Variants in GRIN2B observed in about 807,000 individuals in gnomAD.
GRIN2B encodes glutamate ionotropic receptor NMDA type subunit 2B.
A neutral mutation model predicts 114.5 loss-of-function variants in GRIN2B; 5 were observed. The ratio of observed to expected loss-of-function variants is 0.04; its 90% confidence interval spans 0.02 to 0.09. GRIN2B has a LOEUF of 0.09. Ranked by LOEUF, GRIN2B falls within the 10% of genes least tolerant of loss-of-function variation. The probability of loss-of-function intolerance (pLI) is 1.00; values close to 1 mark genes in which losing one functional copy is unlikely to be tolerated. For synonymous variants in GRIN2B, 787 were observed against 745.1 expected (o/e 1.06, Z -0.92); for missense variants, 1,108 against 1,943.5 (o/e 0.57, Z 8.08).
chr12:13,897,133 G>A (rs956983005), intron 2 of GRIN2B, among the ~76,000 whole-genome samples: 1 of 152,004 alleles, frequency 6.6e-6, no homozygotes, highest in East Asian at 1.9e-4. Context: ...TACTCGCAAC[G>A]CATCGATAAA....
At position 13,677,827 on chromosome 12, in the gene GRIN2B, T is replaced by G. The variant is rs537233254; in HGVS notation, c.1011-1968A>C. 9.2e-5 allele frequency among the ~76,000 whole-genome samples: 14 copies of G among 152,270 alleles called. No homozygotes were observed. The East Asian group carries it at 2.7e-3, about 29-fold the overall frequency. On this transcript the variant is annotated intron_variant, in intron 4 of 13. Coordinates refer to ENST00000609686, the MANE Select transcript of GRIN2B (RefSeq NM_000834.5). ...TCTAATCCTTCTTCTACATGAGAGT[T>G]TCTCAAGTATTTGAAGACATTTATC...
chr12:13,669,338 C>T (rs1354401105), intron 5 of GRIN2B, among the ~76,000 whole-genome samples: 1 of 152,008 alleles, frequency 6.6e-6, no homozygotes, highest in Admixed American at 6.6e-5. Flanking sequence ...CACCTCATTG[C>T]CTTTTTTTTC....
At chr12:13,833,482 A>T (rs536449668) in intron 3 of GRIN2B, among the ~76,000 whole-genome samples, 1 of 152,276 alleles carries the variant, frequency 6.6e-6, no homozygotes, top group African/African-American at 2.4e-5. Flanking sequence ...GTTAACTGAG[A>T]ATGTGTTCTG....
chr12:13,606,424 A>C (rs1949248464), intron 10 of GRIN2B, among the ~76,000 whole-genome samples: 1 of 152,150 alleles, frequency 6.6e-6, no homozygotes. Context: ...GGGAATTCTC[A>C]TGGGAACTAA....
rs556215817 is a variant in GRIN2B at position 13,692,630 on chromosome 12, G to A, written c.1011-16771C>T. Among the ~76,000 whole-genome samples the A allele has an allele frequency of 8.4e-4, 128 of 151,996 alleles. 1 individual carries two copies. The highest frequency in any genetic ancestry group is 3.0e-3 in the African/African-American group (124 of 41,426). On this transcript the variant is annotated intron_variant, in intron 4 of 13. Transcript: ENST00000609686. ...GGTGTGTGTGAATGTGCCCTGTGAT[G>A]GGATGCCATCCTGTCCTAGGTCAGT...
Position 13,562,626 on chromosome 12 carries a change from C to G in GRIN2B, c.*157G>C, listed in dbSNP as rs201387951. ...ATGGTGCTGGTCACCAGGGTTGCCC[C>G]CAGTAGGAACCAGAACTCCAGGATC... On this transcript the variant is annotated 3_prime_UTR_variant, in exon 14 of 14. Transcript: ENST00000609686. 4.3e-6 allele frequency: 3 copies of G among 695,274 alleles called. No homozygotes were observed. The Admixed American group carries it at 6.7e-5, about 16-fold the overall frequency. The allele number at this position is 695,274 out of a possible 1,614,324, so 43.1% of individuals were successfully genotyped here. A position where few individuals can be genotyped will look rare whatever the true frequency, so the allele number is the denominator to read the frequency against.
Position 13,611,746 on chromosome 12 carries a change from T to C in GRIN2B, c.1759A>G (p.Arg587Gly). ...FEYFSPVGYN[R>G]CLADGREPGG... The stretch of plus-strand genomic sequence containing the variant: ...TTACCTCTGCCATCAGCGAGGCACC[T>C]GTTATAACCCACAGGGCTGAAGTAC... Residue 587 changes from arginine (R) to glycine (G), a missense_variant, in exon 9 of 14, where the codon AGG (arginine) becomes GGG (glycine). By Grantham distance (125) the Arg-to-Gly change is moderately radical. Transcript: ENST00000609686. 1 of 1,613,908 alleles carries C rather than the reference T, an allele frequency of 6.2e-7. No homozygotes were observed. The highest frequency in any genetic ancestry group is 8.5e-7 in the Non-Finnish European group (1 of 1,179,766).
chr12:13,848,863 G>A (rs973191297), intron 3 of GRIN2B, among the ~76,000 whole-genome samples: 5 of 152,114 alleles, frequency 3.3e-5, no homozygotes, highest in African/African-American at 1.2e-4. Flanking sequence ...CCCCCTCTCT[G>A]CTTTGCTGAG....
rs148185805 is a variant in GRIN2B at position 13,569,987 on chromosome 12, T to C, written c.2202A>G (p.Ala734=). The change falls in exon 12 of 14, where the codon GCA becomes GCG. Residue 734 remains alanine, a synonymous_variant. Transcript: ENST00000609686. ...CTCTGCCTGCCATATAGTTCAGCAC[T>C]GCTGCATCATAGATGAAGGCATCCA... ...GKLDAFIYDA[A]VLNYMAGRDE... is the part of the protein sequence containing the mutation. 326 of 1,613,380 alleles carry C rather than the reference T, an allele frequency of 2.0e-4. 1 individual carries two copies. The African/African-American group carries it at 3.8e-3, about 19-fold the overall frequency.
At chr12:13,718,565 G>A (rs550892736) in intron 4 of GRIN2B, among the ~76,000 whole-genome samples, 1 of 152,066 alleles carries the variant, frequency 6.6e-6, no homozygotes, top group Non-Finnish European at 1.5e-5. Context: ...TTATGGCGTT[G>A]GAAAGCTTCT....
intron 3 of GRIN2B, among the ~76,000 whole-genome samples, chr12:13,755,339 A>G (rs1443139023): frequency 6.6e-6 from 1 of 152,224 alleles, no homozygotes; most frequent in Admixed American, 6.5e-5. Flanking sequence ...TTCGGCAATG[A>G]GAGCTGCCAG....
intron 2 of GRIN2B, among the ~76,000 whole-genome samples, chr12:13,888,717 G>C (rs181846842): frequency 1.4e-3 from 204 of 150,510 alleles, no homozygotes; most frequent in Non-Finnish European, 1.1e-3. Context: ...CTGGGAGAGG[G>C]AGCAAGACTC....
intron 10 of GRIN2B, 31 bp downstream of exon 10, chr12:13,608,572 A>G (rs1172218052): frequency 5.3e-6 from 8 of 1,495,660 alleles, no homozygotes; most frequent in South Asian, 1.1e-5. Context: ...GGATTGAGGG[A>G]AAGACGGGAG....
chr12:13,773,895 G>T (rs1863953279), intron 3 of GRIN2B, among the ~76,000 whole-genome samples: 1 of 152,190 alleles, frequency 6.6e-6, no homozygotes, highest in South Asian at 2.1e-4. Flanking sequence ...ACACACCCTA[G>T]AACAGAGGTC....
At position 13,746,320 on chromosome 12, in the gene GRIN2B, C is replaced by T. The variant is rs1194263102; in HGVS notation, c.1010+6997G>A. ...AACTGGGGCTGATTTAAATATATAC[C>T]TATGACCCGCTTTTTAACCCATGCC... On this transcript the variant is annotated intron_variant, in intron 4 of 13. Coordinates refer to ENST00000609686, the MANE Select transcript of GRIN2B (RefSeq NM_000834.5). 6.6e-5 allele frequency among the ~76,000 whole-genome samples: 10 copies of T among 152,146 alleles called. No homozygotes were observed. The East Asian group carries it at 1.9e-3, about 29-fold the overall frequency.
rs1948867139 is a variant in GRIN2B at position 13,582,567 on chromosome 12, AAG to A, written c.2011-10605_2011-10604del. ...GCAAACACCCTTAAGTTTACATATG[AAG>A]AGACCTGCACTTGGATGTGAGAAGG... is the stretch of plus-strand genomic sequence containing the variant. On this transcript the variant is annotated intron_variant, in intron 10 of 13. Transcript: ENST00000609686. 2.0e-5 allele frequency among the ~76,000 whole-genome samples: 3 copies of A among 152,288 alleles called. No individual in the cohort carries two copies. The South Asian group carries it at 6.2e-4, about 32-fold the overall frequency.
At position 13,851,365 on chromosome 12, in the gene GRIN2B, T is replaced by TG. The variant is rs553630342; in HGVS notation, c.411+14432_411+14433insC. Reference sequence around the variant, plus strand: ...TTTCTCCAACTCTTCTTTCTCCTTCTTAATCTTTATTAAGCATTCACTCAA... The same window carrying TG: ...TTTCTCCAACTCTTCTTTCTCCTTCTGTAATCTTTATTAAGCATTCACTCAA... On this transcript the variant is annotated intron_variant, in intron 3 of 13. Transcript: ENST00000609686. Among the ~76,000 whole-genome samples, 754 of 152,326 alleles carry TG rather than the reference T, an allele frequency of 4.9e-3. 3 individuals carry two copies. The highest frequency in any genetic ancestry group is 0.016 in the South Asian group (75 of 4,824).
At chr12:13,565,155 C>G (rs1298103883) in intron 13 of GRIN2B, among the ~76,000 whole-genome samples, 1 of 152,194 alleles carries the variant, frequency 6.6e-6, no homozygotes, top group East Asian at 1.9e-4. Flanking sequence ...TTTTCTAGCT[C>G]TGACAAATTT....
chr12:13,674,580 G>A (rs1950053479), intron 5 of GRIN2B, among the ~76,000 whole-genome samples: 2 of 152,074 alleles, frequency 1.3e-5, no homozygotes, highest in Non-Finnish European at 2.9e-5. Context: ...TGAATTTCAA[G>A]AAGTTTATCT....
Sources: gnomAD v4.1 joint callset for allele counts (sites outside exome capture counted in the v4.1 genomes callset) on GRCh38, gnomAD v4.1.1 for gene constraint, MANE v1.5 for transcripts, NCBI Gene and HGNC (gene_info 2026-07-23, HGNC 2026-07-21) for gene names.